Variants in AMOTL1 observed in about 807,000 individuals in gnomAD.
AMOTL1 encodes the protein angiomotin like 1, also known as angiomotin-like protein 1.
AMOTL1 carries 45 observed loss-of-function variants against 102.9 expected under a neutral mutation model. That is an observed-to-expected ratio of 0.44 (90% confidence interval 0.34 to 0.56). The LOEUF (loss-of-function observed/expected upper bound fraction) is 0.56, where lower values mean the gene tolerates loss of function less well. AMOTL1 is among the 20% of genes least tolerant of loss of function. AMOTL1 has a pLI of 0.01. For missense variants in AMOTL1, 1,114 were observed against 1,225.6 expected (o/e 0.91, Z 1.36); for synonymous variants, 481 against 484.7 (o/e 0.99, Z 0.10).
chr11:94,796,324 C>G (rs1326024194), intron 2 of AMOTL1, among the ~76,000 whole-genome samples: 1 of 152,124 alleles, frequency 6.6e-6, no homozygotes, highest in Admixed American at 6.5e-5. Flanking sequence ...AGTTGAGCTT[C>G]AGGAACCAGT....
rs374996417 is a variant in AMOTL1, at chr11:94,748,352, A to G, written c.136+7364A>G. Among the ~76,000 whole-genome samples the G allele has an allele frequency of 8.5e-4, 130 of 152,304 alleles. No homozygotes were observed. The Middle Eastern group carries it at 0.014, about 16-fold the overall frequency. On this transcript the variant is annotated intron_variant, in intron 3 of 4. Coordinates refer to the AMOTL1 transcript ENST00000299004. ...AGGGAGAAGGAAAGTGGTGGGCACA[A>G]CCTGAAAGCTGCACACATCTAATGG...
intron 3 of AMOTL1, among the ~76,000 whole-genome samples, chr11:94,811,552 A>AT (rs542747876): frequency 1.4e-3 from 199 of 141,200 alleles, no homozygotes; most frequent in Middle Eastern, 3.6e-3. Flanking sequence ...TCCTTTTCCC[A>AT]TTTTTTTTTT....
At chr11:94,862,332 A>G (rs1274685238) in intron 9 of AMOTL1, among the ~76,000 whole-genome samples, 1 of 152,176 alleles carries the variant, frequency 6.6e-6, no homozygotes, top group Admixed American at 6.5e-5. Context: ...AACATTTTTG[A>G]GAAAGGTACA....
At chr11:94,783,203 C>A (rs368179471) in intron 1 of AMOTL1, among the ~76,000 whole-genome samples, 84 of 152,292 alleles carry the variant, frequency 5.5e-4, no homozygotes, top group African/African-American at 1.9e-3. Flanking sequence ...AAGTTACTCT[C>A]AGTGCTTTAG....
At position 94,795,253 on chromosome 11, in the gene AMOTL1, C is replaced by T. The variant is rs535226071; in HGVS notation, c.199+93C>T. ...TTTGCATAATTCAGATGTTTATTCT[C>T]TAATCTTGTTTTTTAAATCATCATA... On this transcript the variant is annotated intron_variant, in intron 2 of 12. Coordinates refer to ENST00000433060, the MANE Select transcript of AMOTL1 (RefSeq NM_130847.3). The T allele has an allele frequency of 3.7e-5, 54 of 1,447,306 alleles. No homozygotes were observed. The African/African-American group carries it at 6.8e-4, about 18-fold the overall frequency. 89.7% of individuals were successfully genotyped at this position (1,447,306 alleles called of 1,614,324 possible).
At position 94,737,547 on chromosome 11, in the gene AMOTL1, C is replaced by T. The variant is rs528458926; in HGVS notation, c.86-3391C>T. Among the ~76,000 whole-genome samples the T allele has an allele frequency of 3.3e-5, 5 of 152,342 alleles. No individual in the cohort carries two copies. The South Asian group carries it at 1.0e-3, about 32-fold the overall frequency. ...TATGATTATTATCTCCATGTTTACA[C>T]AAAGCTAAGGCTGAAAGAAATTAAG... On this transcript the variant is annotated intron_variant, in intron 2 of 4. Coordinates refer to the AMOTL1 transcript ENST00000299004.
chr11:94,867,291 G>A lies in AMOTL1; in HGVS notation c.2488+1123G>A, dbSNP rs76739285. On this transcript the variant is annotated intron_variant, in intron 11 of 12. Transcript: ENST00000433060. ...TCAAAGAAGACGTGTGTGGACAGCA[G>A]CTGAGATCATCAAAGACTGTCCCAA... Among the ~76,000 whole-genome samples, 417 of 152,312 alleles carry A rather than the reference G, an allele frequency of 2.7e-3. 2 individuals carry two copies. Among genetic ancestry groups the A allele is most frequent in the African/African-American group, 9.6e-3 (401 of 41,576 alleles).
chr11:94,727,733 A>T (rs781129160), intron 1 of AMOTL1, among the ~76,000 whole-genome samples: 9 of 152,096 alleles, frequency 5.9e-5, no homozygotes, highest in Non-Finnish European at 1.0e-4. Flanking sequence ...TGCCATATTC[A>T]CTCTGGTCTA....
chr11:94,730,959 G>T (rs1950339028), intron 2 of AMOTL1, among the ~76,000 whole-genome samples: 1 of 152,146 alleles, frequency 6.6e-6, no homozygotes. Context: ...GAGAATTTTA[G>T]AACTGAAAGA....
chr11:94,765,036 G>A (rs539189064), upstream of AMOTL1, among the ~76,000 whole-genome samples: 2 of 152,188 alleles, frequency 1.3e-5, no homozygotes, highest in East Asian at 3.9e-4. Flanking sequence ...CATTCTTCCC[G>A]CCTCTATGCT....
chr11:94,840,681 TACACACACACAC>T (rs111907230), intron 6 of AMOTL1, among the ~76,000 whole-genome samples: 18 of 104,808 alleles, frequency 1.7e-4, no homozygotes, highest in East Asian at 7.1e-4. Context: ...TATATATATA[TACACACACACAC>T]ACACACACAC....
rs1950515491 is a variant in AMOTL1 at position 94,740,963 on chromosome 11, CG to C, written c.112del (p.Ala38HisfsTer8). ...ACAGTGAGTTTGTGGAAGCCTCGCC[CG>C]CATCCTACAGCCCAGACGAGTTAGG... On this transcript the variant is annotated frameshift_variant, in exon 3 of 5. Transcript: ENST00000299004. LOFTEE classifies it high-confidence loss of function. 1 of 1,288,966 alleles carries C rather than the reference CG, an allele frequency of 7.8e-7. No individual in the cohort carries two copies. The highest frequency in any genetic ancestry group is 1.5e-5 in the African/African-American group (1 of 65,766). The allele number at this position is 1,288,966 out of a possible 1,614,324, so 79.8% of individuals were successfully genotyped here. A position where few individuals can be genotyped will look rare whatever the true frequency, so the allele number is the denominator to read the frequency against.
At chr11:94,748,040 G>A (rs755807265) in intron 3 of AMOTL1, among the ~76,000 whole-genome samples, 4 of 152,116 alleles carry the variant, frequency 2.6e-5, no homozygotes, top group Non-Finnish European at 4.4e-5. Context: ...TATACCAGTC[G>A]TATTTCTCTT....
At chr11:94,790,467 A>T (rs1951264654) in intron 1 of AMOTL1, among the ~76,000 whole-genome samples, 1 of 152,160 alleles carries the variant, frequency 6.6e-6, no homozygotes, top group Non-Finnish European at 1.5e-5. Flanking sequence ...TAGAGGCGGT[A>T]AACTGAAGAG....
intron 12 of AMOTL1, among the ~76,000 whole-genome samples, chr11:94,870,146 C>T (rs1952966618): frequency 6.6e-6 from 1 of 152,104 alleles, no homozygotes; most frequent in Non-Finnish European, 1.5e-5. Flanking sequence ...TTTAAGTAGC[C>T]AGAGAGTACC....
intron 2 of AMOTL1, among the ~76,000 whole-genome samples, chr11:94,796,579 A>G (rs1951370297): frequency 6.6e-6 from 1 of 152,186 alleles, no homozygotes; most frequent in Non-Finnish European, 1.5e-5. Context: ...GGAGAGTTGG[A>G]ACCCGTAGAG....
intron 3 of AMOTL1, among the ~76,000 whole-genome samples, chr11:94,757,554 A>G (rs1950741398): frequency 6.6e-6 from 1 of 152,148 alleles, no homozygotes; most frequent in African/African-American, 2.4e-5. Flanking sequence ...TAATGCTTAC[A>G]TGGAGGCTTA....
chr11:94,817,802 A>G (rs1251606401), intron 3 of AMOTL1, among the ~76,000 whole-genome samples: 1 of 152,242 alleles, frequency 6.6e-6, no homozygotes, highest in Non-Finnish European at 1.5e-5. Context: ...AGACTCCCAT[A>G]GAAAGCTAAT....
intron 1 of AMOTL1, among the ~76,000 whole-genome samples, chr11:94,775,636 C>T (rs1434431559): frequency 6.6e-6 from 1 of 152,152 alleles, no homozygotes; most frequent in Non-Finnish European, 1.5e-5. Flanking sequence ...TTCAGGACCT[C>T]AGTCACACTA....
Sources: allele counts gnomAD v4.1 joint callset (sites outside exome capture counted in the v4.1 genomes callset), GRCh38; gene constraint gnomAD v4.1.1; transcripts MANE v1.5; gene names NCBI Gene and HGNC (gene_info 2026-07-23, HGNC 2026-07-21).